The following SHANK2 variants were observed in gnomAD, a reference collection of about 807,000 sequenced individuals.
The protein encoded by SHANK2 is SH3 and multiple ankyrin repeat domains protein 2.
Under a neutral mutation model 133.7 loss-of-function variants are expected in SHANK2, and 43 were observed. The ratio of observed to expected loss-of-function variants is 0.32; its 90% CI spans 0.25 to 0.41. SHANK2 has a LOEUF of 0.41. SHANK2 is among the 10% of genes least tolerant of loss of function. SHANK2 has a pLI of 1.00. For synonymous variants in SHANK2, 1,017 were observed against 952.8 expected, an observed-to-expected ratio of 1.07 and a Z score of -1.24; for missense variants, 1,994 against 2,235.8, an observed-to-expected ratio of 0.89 and a Z score of 2.18.
chr11:71,116,537 C>T (rs937753140), intron 4 of SHANK2, among the ~76,000 whole-genome samples: 5 of 152,250 alleles, frequency 3.3e-5, no homozygotes, highest in Admixed American at 2.0e-4. Context: ...CTGCTGACAG[C>T]AGCTCAAAGA....
intron 14 of SHANK2, among the ~76,000 whole-genome samples, chr11:70,767,129 C>A (rs187402482): frequency 9.9e-5 from 15 of 152,262 alleles, no homozygotes; most frequent in African/African-American, 3.4e-4. Flanking sequence ...GGCTTTTGAA[C>A]TGAAGGCTGG....
intron 14 of SHANK2, among the ~76,000 whole-genome samples, chr11:70,782,123 G>A (rs1947512283): frequency 6.6e-6 from 1 of 152,210 alleles, no homozygotes; most frequent in African/African-American, 2.4e-5. Context: ...GGAGTGCAGT[G>A]GTGTGATCTC....
intron 14 of SHANK2, among the ~76,000 whole-genome samples, chr11:70,738,067 C>T (rs780921123): frequency 1.1e-4 from 16 of 152,260 alleles, no homozygotes; most frequent in South Asian, 2.1e-4. Context: ...GCCCGCAAGA[C>T]GGTGGCAAGA....
Position 70,605,949 on chromosome 11 carries a change from C to A in SHANK2, c.2061+53879G>T, listed in dbSNP as rs187205058. Among the ~76,000 whole-genome samples the A allele has an allele frequency of 4.6e-5, 7 of 151,782 alleles. No homozygotes were observed. In the East Asian group the frequency reaches 1.0e-3, roughly 22 times the overall value. On this transcript the variant is annotated intron_variant, in intron 17 of 25. Coordinates refer to ENST00000601538, the MANE Select transcript of SHANK2 (RefSeq NM_012309.5). ...GACCCTTCTAGAACAACCTATTATT[C>A]CCCCCCCTCCTTGGGGTAAAAAGAT...
intron 11 of SHANK2, among the ~76,000 whole-genome samples, chr11:70,849,115 C>T (rs1949044630): frequency 6.6e-6 from 1 of 152,082 alleles, no homozygotes; most frequent in Non-Finnish European, 1.5e-5. Context: ...GCACACACCC[C>T]CTCCCCACCA....
intron 15 of SHANK2, among the ~76,000 whole-genome samples, chr11:70,670,389 G>A (rs184831711): frequency 8.5e-5 from 13 of 152,368 alleles, no homozygotes; most frequent in Admixed American, 7.2e-4. Flanking sequence ...TACGTGGGGG[G>A]TGTTGAGGTG....
chr11:70,690,505 T>G (rs1945261452), intron 15 of SHANK2, among the ~76,000 whole-genome samples: 1 of 125,886 alleles, frequency 7.9e-6, no homozygotes, highest in Non-Finnish European at 1.7e-5. Flanking sequence ...TTTTTTTTTT[T>G]TTTTTTTTTT....
At chr11:71,140,550 T>C (rs1555105566) in intron 3 of SHANK2, among the ~76,000 whole-genome samples, 1 of 152,234 alleles carries the variant, frequency 6.6e-6, no homozygotes, top group Non-Finnish European at 1.5e-5. Flanking sequence ...CCTCAGTGGC[T>C]GAGATGACCG....
At chr11:71,165,456 G>C (rs556743392) in intron 2 of SHANK2, among the ~76,000 whole-genome samples, 1 of 152,164 alleles carries the variant, frequency 6.6e-6, no homozygotes, top group East Asian at 1.9e-4. Flanking sequence ...GTGTGTGTGC[G>C]TGTCCTCAGT....
At chr11:70,868,071 G>A (rs782541837) in intron 11 of SHANK2, among the ~76,000 whole-genome samples, 2 of 152,246 alleles carry the variant, frequency 1.3e-5, no homozygotes, top group African/African-American at 2.4e-5. Context: ...AGGGCCCGGC[G>A]CTGGCAGTAA....
chr11:71,067,341 G>A (rs1951078045), intron 9 of SHANK2, among the ~76,000 whole-genome samples: 1 of 152,298 alleles, frequency 6.6e-6, no homozygotes, highest in South Asian at 2.1e-4. Flanking sequence ...CAGACAAATT[G>A]GCCTAGCCTA....
At chr11:70,617,305 A>ATG (rs34433990) in intron 17 of SHANK2, among the ~76,000 whole-genome samples, 25,044 of 149,360 alleles carry the variant, frequency 0.17, 2,640 homozygotes, top group Non-Finnish European at 0.25. Context: ...CTGAGAGAGT[A>ATG]TGTGTGTGTG....
intron 14 of SHANK2, among the ~76,000 whole-genome samples, chr11:70,703,617 G>T (rs988344940): frequency 6.6e-6 from 1 of 152,104 alleles, no homozygotes; most frequent in African/African-American, 2.4e-5. Flanking sequence ...GAAAACGTGG[G>T]TCACAAATAA....
chr11:70,618,960 G>A (rs2060793172), intron 17 of SHANK2, among the ~76,000 whole-genome samples: 1 of 152,198 alleles, frequency 6.6e-6, no homozygotes, highest in South Asian at 2.1e-4. Context: ...ATGGCCAGGA[G>A]ATGGACGGGG....
chr11:70,494,403 C>T (rs936605452), intron 21 of SHANK2, among the ~76,000 whole-genome samples: 7 of 152,202 alleles, frequency 4.6e-5, no homozygotes, highest in African/African-American at 1.2e-4. Context: ...AAGCAATTCT[C>T]GTGCCTCAGC....
In SHANK2 at chr11:70,535,765, G is replaced by C. The variant is rs1347721392; in HGVS notation, c.2062-32834C>G. Among the ~76,000 whole-genome samples the C allele has an allele frequency of 1.3e-5, 2 of 152,248 alleles. No homozygotes were observed. Among genetic ancestry groups the C allele is most frequent in the Non-Finnish European group, 1.5e-5 (1 of 68,036 alleles). ...CCCAGCAGCACTGTGGGAAGTCCCTGTGCTCCACGGGGCAGGAGAGGTTCG... is the reference window on the plus strand; with the variant it reads ...CCCAGCAGCACTGTGGGAAGTCCCTCTGCTCCACGGGGCAGGAGAGGTTCG... On this transcript the variant is annotated intron_variant, in intron 17 of 25. Coordinates refer to ENST00000601538, the MANE Select transcript of SHANK2 (RefSeq NM_012309.5). The surrounding 1 kb of genome is among the most constrained non-coding windows in gnomAD (Gnocchi z 4.3).
At chr11:70,634,961 A>C (rs971759687) in intron 17 of SHANK2, 4 of 152,220 alleles carry the variant, frequency 2.6e-5, no homozygotes, top group African/African-American at 9.6e-5. Flanking sequence ...GATGTTCAAC[A>C]CCACTAATCA....
At chr11:70,474,677 G>A (rs2058640363) in intron 25 of SHANK2, 1 of 152,340 alleles carries the variant, frequency 6.6e-6, no homozygotes, top group Admixed American at 6.5e-5. Context: ...ACTGGGGAGG[G>A]GAGGAGAGGT....
chr11:71,231,812 C>T (rs987387610), intron 1 of SHANK2, among the ~76,000 whole-genome samples: 2 of 151,788 alleles, frequency 1.3e-5, no homozygotes, highest in South Asian at 2.1e-4. Flanking sequence ...TGGCTTGAGC[C>T]GGGGAGACAG....
Sources: gnomAD v4.1 joint callset for allele counts (sites outside exome capture counted in the v4.1 genomes callset) on GRCh38, gnomAD v4.1.1 for gene constraint, Gnocchi (gnomAD v3.1) non-coding constraint, MANE v1.5 for transcripts, NCBI Gene and HGNC (gene_info 2026-07-23, HGNC 2026-07-21) for gene names.